Variants in ELAPOR1 observed in about 807,000 individuals in gnomAD.
The protein encoded by ELAPOR1 is endosome-lysosome associated apoptosis and autophagy regulator 1, also known as endosome/lysosome-associated apoptosis and autophagy regulator 1.
In ELAPOR1, 77 loss-of-function variants were observed where a neutral mutation model predicts 119.7. The observed-to-expected ratio is 0.64, with a 90% CI of 0.54 to 0.78. The LOEUF is 0.78. ELAPOR1 is among the 30% of genes least tolerant of loss of function. The probability of loss-of-function intolerance (pLI) is 0.00; values close to 1 mark genes in which losing one functional copy is unlikely to be tolerated. For synonymous variants in ELAPOR1, 481 were observed against 487.2 expected, an observed-to-expected ratio of 0.99 and a Z score of 0.17; for missense variants, 1,115 against 1,270.4, an observed-to-expected ratio of 0.88 and a Z score of 1.86.
At chr1:109,115,492 C>T (rs1038546127) in intron 1 of ELAPOR1, among the ~76,000 whole-genome samples, 2 of 152,134 alleles carry the variant, frequency 1.3e-5, no homozygotes, top group Admixed American at 6.5e-5. Context: ...ACTGCCCCGG[C>T]CAGTCTCTAA....
At chr1:109,179,439 G>A (rs1057203810) in intron 7 of ELAPOR1, among the ~76,000 whole-genome samples, 1 of 150,854 alleles carries the variant, frequency 6.6e-6, no homozygotes, top group Non-Finnish European at 1.5e-5. Context: ...AGAAGTGTGA[G>A]CAAAGGCCAG....
In ELAPOR1 at chr1:109,191,856, A is replaced by C. The variant is rs751460396; in HGVS notation, c.1676A>C (p.His559Pro). Reference protein sequence around the residue: ...FTWAFQRTTFHEASRKYTNDV... With the variant: ...FTWAFQRTTFPEASRKYTNDV... The stretch of plus-strand genomic sequence containing the variant: ...TGGGCCTTCCAGAGGACCACTTTTC[A>C]TGAGGCAGTAAGTTCCTCCCCTTCC... The change falls in exon 13 of 22, where the codon CAT becomes CCT. Residue 559 changes from histidine to proline, a missense_variant. Physicochemically the swap from His to Pro is moderately conservative, Grantham distance 77. Transcript: ENST00000369939. The C allele has an allele frequency of 2.5e-6, 4 of 1,614,020 alleles. No homozygotes were observed. In the African/African-American group the frequency reaches 5.3e-5, roughly 22 times the overall value.
At chr1:109,172,989 C>T (rs948744018) in intron 5 of ELAPOR1, among the ~76,000 whole-genome samples, 15 of 149,928 alleles carry the variant, frequency 1.0e-4, no homozygotes, top group African/African-American at 3.2e-4. Flanking sequence ...CCCAGCTACT[C>T]GGGAGGCTGA....
Position 109,206,449 on chromosome 1 carries a change from T to C in ELAPOR1, c.*3437T>C, listed in dbSNP as rs3197233. 131,696 of 152,222 alleles carry C rather than the reference T, an allele frequency of 0.87. 57,409 individuals carry two copies. The highest frequency in any genetic ancestry group is 0.96 in the East Asian group (4,985 of 5,186). The allele number at this position is 152,222 out of a possible 1,614,324, so 9.4% of individuals were successfully genotyped here. On this transcript the variant is annotated 3_prime_UTR_variant, in exon 22 of 22. Coordinates refer to ENST00000369939, the MANE Select transcript of ELAPOR1 (RefSeq NM_020775.5). The stretch of plus-strand genomic sequence containing the variant: ...TTTGGTTACCTTGAGTCCTGGAACA[T>C]GCAGTAACTGTCATGCTATAGACAT...
chr1:109,156,788 C>A (rs1238910834), intron 1 of ELAPOR1, among the ~76,000 whole-genome samples: 1 of 152,124 alleles, frequency 6.6e-6, no homozygotes, highest in African/African-American at 2.4e-5. Flanking sequence ...TGTCTTCATC[C>A]CCCTCATCCC....
chr1:109,192,975 G>T, intron 14 of ELAPOR1, 101 bp downstream of exon 14: 1 of 1,334,884 alleles, frequency 7.5e-7, no homozygotes, highest in Admixed American at 2.2e-5. Context: ...TGATACCCGA[G>T]TGCTCCCCCT....
intron 12 of ELAPOR1, 31 bp downstream of exon 12, chr1:109,191,502 G>A (rs777316830): frequency 1.9e-6 from 3 of 1,584,972 alleles, no homozygotes; most frequent in South Asian, 1.1e-5. Context: ...CCGCTAGAGG[G>A]CCTCCAGGGG....
At chr1:109,177,262 G>A (rs1404423605) in intron 7 of ELAPOR1, among the ~76,000 whole-genome samples, 6 of 147,376 alleles carry the variant, frequency 4.1e-5, no homozygotes, top group African/African-American at 5.1e-5. Flanking sequence ...CTCCCGGACG[G>A]GGCGGCTGCC....
At chr1:109,159,086 G>A (rs6691304) in intron 1 of ELAPOR1, among the ~76,000 whole-genome samples, 8,490 of 152,074 alleles carry the variant, frequency 0.056, 282 homozygotes, top group African/African-American at 0.07. Context: ...TAGAGACAGA[G>A]TTTCACCATG....
rs869275387 is a variant in ELAPOR1 at position 109,144,053 on chromosome 1, A to ATTT, written c.154-17840_154-17838dup. On this transcript the variant is annotated intron_variant, in intron 1 of 21. Coordinates refer to ENST00000369939, the MANE Select transcript of ELAPOR1 (RefSeq NM_020775.5). ...TAAAATTATATATATATATATATAT[A>ATTT]TTTATATATTTTTTTTTTTTTTTGA... 2.7e-4 allele frequency among the ~76,000 whole-genome samples: 24 copies of ATTT among 89,772 alleles called. 1 individual carries two copies. The highest frequency in any genetic ancestry group is 1.2e-3 in the African/African-American group (23 of 18,836). 58.9% of individuals were successfully genotyped at this position (89,772 alleles called of 152,430 possible). A position where few individuals can be genotyped will look rare whatever the true frequency, so the allele number is the denominator to read the frequency against.
At chr1:109,184,505 T>G (rs1652930026) in intron 7 of ELAPOR1, among the ~76,000 whole-genome samples, 1 of 152,174 alleles carries the variant, frequency 6.6e-6, no homozygotes, top group South Asian at 2.1e-4. Context: ...AAAAGGAAAT[T>G]TCCAAGGTGG....
chr1:109,190,988 G>A (rs1421482138), intron 11 of ELAPOR1, among the ~76,000 whole-genome samples: 3 of 152,168 alleles, frequency 2.0e-5, no homozygotes, highest in African/African-American at 7.2e-5. Flanking sequence ...CACTGGGCCT[G>A]GGAGGAGCCT....
At chr1:109,144,047 A>ATTT (rs1279392506) in intron 1 of ELAPOR1, among the ~76,000 whole-genome samples, 1 of 46,584 alleles carries the variant, frequency 2.1e-5, no homozygotes, top group African/African-American at 6.7e-5. Flanking sequence ...ATATATATAT[A>ATTT]TATATATTTA....
chr1:109,129,066 C>T (rs750278909), intron 1 of ELAPOR1, among the ~76,000 whole-genome samples: 2 of 149,966 alleles, frequency 1.3e-5, no homozygotes, highest in Non-Finnish European at 3.0e-5. Flanking sequence ...GCCTCTGGGG[C>T]TCATGGGTCA....
At position 109,205,524 on chromosome 1, in the gene ELAPOR1, C is replaced by T. The variant is rs1654434084; in HGVS notation, c.*2512C>T. 1 of 152,194 alleles carries T rather than the reference C, an allele frequency of 6.6e-6. No homozygotes were observed. Among genetic ancestry groups the T allele is most frequent in the African/African-American group, 2.4e-5 (1 of 41,438 alleles). The allele number at this position is 152,194 out of a possible 1,614,324, so 9.4% of individuals were successfully genotyped here. A position where few individuals can be genotyped will look rare whatever the true frequency, so the allele number is the denominator to read the frequency against. On this transcript the variant is annotated 3_prime_UTR_variant, in exon 22 of 22. Transcript: ENST00000369939. The stretch of plus-strand genomic sequence containing the variant: ...TTTTGTAGGAGTCAGGCTCTCAGAA[C>T]CTGTGTCCATGTTGGAACTTCCCCC...
chr1:109,206,057 CA>C lies in ELAPOR1; in HGVS notation c.*3046del, dbSNP rs1654468679. On this transcript the variant is annotated 3_prime_UTR_variant, in exon 22 of 22. Transcript: ENST00000369939. ...TTGAGACAGAGTCAGCTTTGTTGCC[CA>C]GGCTGGAGTGCAGTGCCATGATCTT... is the stretch of plus-strand genomic sequence containing the variant. 6.6e-6 allele frequency: 1 copy of C among 152,062 alleles called. No homozygotes were observed. The highest frequency in any genetic ancestry group is 1.5e-5 in the Non-Finnish European group (1 of 68,014). The allele number at this position is 152,062 out of a possible 1,614,324, so 9.4% of individuals were successfully genotyped here.
At chr1:109,118,900 C>CTTTTTTTTTTTT (rs777752743) in intron 1 of ELAPOR1, among the ~76,000 whole-genome samples, 2,074 of 127,752 alleles carry the variant, frequency 0.016, 63 homozygotes, top group Non-Finnish European at 0.024. Flanking sequence ...TTTGGTTCTT[C>CTTTTTTTTTTTT]TTTTTTTTTT....
intron 1 of ELAPOR1, among the ~76,000 whole-genome samples, chr1:109,114,764 T>C (rs1647877556): frequency 6.6e-6 from 1 of 152,120 alleles, no homozygotes; most frequent in Non-Finnish European, 1.5e-5. Flanking sequence ...CAGAAAAAAG[T>C]ATCAGAGCGA....
chr1:109,154,225 G>C (rs1238168009), intron 1 of ELAPOR1, among the ~76,000 whole-genome samples: 3 of 141,414 alleles, frequency 2.1e-5, no homozygotes, highest in Non-Finnish European at 4.5e-5. Flanking sequence ...AGGTTGCAGT[G>C]AGCCAAGATT....
Sources: allele counts gnomAD v4.1 joint callset (sites outside exome capture counted in the v4.1 genomes callset), GRCh38; gene constraint gnomAD v4.1.1; transcripts MANE v1.5; gene names NCBI Gene and HGNC (gene_info 2026-07-23, HGNC 2026-07-21).